Variants in DPY19L4 observed in about 807,000 individuals in gnomAD.
DPY19L4 encodes dpy-19 like 4.
A neutral mutation model predicts 102.8 loss-of-function variants in DPY19L4; 97 were observed. The ratio of observed to expected loss-of-function variants is 0.94; its 90% CI spans 0.80 to 1.12. The LOEUF is 1.12. DPY19L4 is among the 50% of genes most tolerant of loss of function. DPY19L4 has a pLI of 0.00. For synonymous variants in DPY19L4, 252 were observed against 283.1 expected, an observed-to-expected ratio of 0.89 and a Z score of 1.10; for missense variants, 815 against 850.4, an observed-to-expected ratio of 0.96 and a Z score of 0.52.
At chr8:94,746,299 G>C (rs998129414) in intron 6 of DPY19L4, among the ~76,000 whole-genome samples, 1 of 151,522 alleles carries the variant, frequency 6.6e-6, no homozygotes, top group Non-Finnish European at 1.5e-5. Flanking sequence ...GAACTTAGGC[G>C]ATTCACCTGC....
chr8:94,755,473 CCTT>C (rs1812119527), intron 6 of DPY19L4, among the ~76,000 whole-genome samples: 1 of 152,144 alleles, frequency 6.6e-6, no homozygotes, highest in African/African-American at 2.4e-5. Flanking sequence ...AGAAGGCATG[CCTT>C]CTTCAATCTC....
chr8:94,719,951 G>A lies in DPY19L4; in HGVS notation c.-48G>A. On this transcript the variant is annotated 5_prime_UTR_variant, in exon 1 of 19. Coordinates refer to ENST00000414645, the MANE Select transcript of DPY19L4 (RefSeq NM_181787.3). Reference sequence around the variant, plus strand: ...GTTCGGCGACGCGGAGGGAGGGAGAGTCTGGGCCGCGCGGGAGCCGCAGGG... The same window carrying A: ...GTTCGGCGACGCGGAGGGAGGGAGAATCTGGGCCGCGCGGGAGCCGCAGGG... 6.7e-7 allele frequency: 1 copy of A among 1,501,320 alleles called. No individual in the cohort carries two copies. Among genetic ancestry groups the A allele is most frequent in the South Asian group, 1.3e-5 (1 of 78,868 alleles). The allele number at this position is 1,501,320 out of a possible 1,614,324, so 93.0% of individuals were successfully genotyped here.
chr8:94,741,185 G>A (rs973750359), intron 6 of DPY19L4, among the ~76,000 whole-genome samples: 20 of 152,118 alleles, frequency 1.3e-4, no homozygotes, highest in Admixed American at 6.5e-4. Flanking sequence ...AACCCCTAGT[G>A]AAGCTGAGAT....
intron 6 of DPY19L4, among the ~76,000 whole-genome samples, chr8:94,745,885 G>C (rs1811648759): frequency 6.6e-6 from 1 of 151,964 alleles, no homozygotes; most frequent in Non-Finnish European, 1.5e-5. Flanking sequence ...CTCCCGAGTA[G>C]CTGGGACTAC....
chr8:94,752,769 A>G (rs1210787052), intron 6 of DPY19L4, among the ~76,000 whole-genome samples: 1 of 149,766 alleles, frequency 6.7e-6, no homozygotes, highest in African/African-American at 2.4e-5. Flanking sequence ...GGTTCACGCC[A>G]TTCTCCTGCC....
chr8:94,770,317 A>T, intron 12 of DPY19L4, 135 bp from the exon 13 acceptor site: 5 of 987,824 alleles, frequency 5.1e-6, no homozygotes, highest in Non-Finnish European at 7.1e-6. Context: ...TTCAAATTTT[A>T]AAAGATCACC....
rs200830188 is a variant in DPY19L4 at position 94,734,755 on chromosome 8, G to C, written c.252+1G>C. On this transcript the variant is annotated splice_donor_variant, in intron 3 of 18. Coordinates refer to ENST00000414645, the MANE Select transcript of DPY19L4 (RefSeq NM_181787.3). LOFTEE classifies it high-confidence loss of function. Reference sequence around the variant, plus strand: ...GAAATTCTGGTTTTCCAACAGGCAGGTAAGAAGAAAGAATTTTGAGCATAT... The same window carrying C: ...GAAATTCTGGTTTTCCAACAGGCAGCTAAGAAGAAAGAATTTTGAGCATAT... The C allele has an allele frequency of 8.1e-6, 13 of 1,613,216 alleles. No individual in the cohort carries two copies. In the East Asian group the frequency reaches 2.9e-4, roughly 36 times the overall value.
rs1813531417 is a variant in DPY19L4, at chr8:94,783,706, T to G, written c.1752T>G (p.Ser584Arg). Residue 584 changes from serine (S) to arginine (R), a missense_variant, in exon 17 of 19, where the codon AGT becomes AGG. Transcript: ENST00000414645. ...QAPVAAVFAG[S>R]PQLMGAIKLC... is the part of the protein sequence containing the mutation. ...CAGTTGCAGCTGTGTTTGCAGGGAGTCCACAGTTAATGGGTGCGATTAAAT... is the reference window on the plus strand; with the variant it reads ...CAGTTGCAGCTGTGTTTGCAGGGAGGCCACAGTTAATGGGTGCGATTAAAT... The G allele has an allele frequency of 1.2e-6, 2 of 1,613,984 alleles. No individual in the cohort carries two copies. Among genetic ancestry groups the G allele is most frequent in the African/African-American group, 2.7e-5 (2 of 74,924 alleles).
At chr8:94,751,990 T>C (rs1811953321) in intron 6 of DPY19L4, among the ~76,000 whole-genome samples, 1 of 152,204 alleles carries the variant, frequency 6.6e-6, no homozygotes, top group Non-Finnish European at 1.5e-5. Context: ...TATATCATAG[T>C]GCATTTATTC....
intron 1 of DPY19L4, among the ~76,000 whole-genome samples, chr8:94,725,656 G>A (rs1230971463): frequency 6.6e-6 from 1 of 151,904 alleles, no homozygotes; most frequent in African/African-American, 2.4e-5. Flanking sequence ...TTTTTTTTGA[G>A]ATAGAGTCTC....
chr8:94,735,415 A>G (rs1217884864), intron 3 of DPY19L4, among the ~76,000 whole-genome samples: 1 of 152,220 alleles, frequency 6.6e-6, no homozygotes, highest in Non-Finnish European at 1.5e-5. Context: ...CAAGACATTT[A>G]ACTGAGTAAT....
chr8:94,739,513 A>C lies in DPY19L4; in HGVS notation c.444A>C (p.Leu148Phe). The change falls in exon 5 of 19, where the codon TTA (leucine) becomes TTC (phenylalanine). Residue 148 changes from leucine to phenylalanine, a missense_variant. Transcript: ENST00000414645. ...ATCCGGAACTTATTGCTAGCATTTTATATCAAGCCACTGGTAGCAATGTAT... is the reference window on the plus strand; with the variant it reads ...ATCCGGAACTTATTGCTAGCATTTTCTATCAAGCCACTGGTAGCAATGTAT... ...SLYPELIASI[L>F]YQATGSNEII... 6.2e-7 allele frequency: 1 copy of C among 1,606,812 alleles called. No homozygotes were observed. Among genetic ancestry groups the C allele is most frequent in the Non-Finnish European group, 8.5e-7 (1 of 1,178,178 alleles).
intron 3 of DPY19L4, among the ~76,000 whole-genome samples, chr8:94,736,154 C>T (rs1309323441): frequency 6.6e-6 from 1 of 152,076 alleles, no homozygotes; most frequent in Non-Finnish European, 1.5e-5. Context: ...AGCAAGGGAT[C>T]GCTGTGGGGC....
intron 13 of DPY19L4, among the ~76,000 whole-genome samples, chr8:94,772,910 T>C (rs1049798411): frequency 6.6e-6 from 1 of 152,142 alleles, no homozygotes; most frequent in African/African-American, 2.4e-5. Context: ...GGAATAAATT[T>C]CATAAAAGGC....
chr8:94,781,056 A>ATTTTTT (rs36116205), intron 15 of DPY19L4, 28 bp from the exon 16 acceptor site: 48 of 1,200,908 alleles, frequency 4.0e-5, no homozygotes, highest in Middle Eastern at 2.4e-4. Context: ...TCTTTTGGGG[A>ATTTTTT]TTTTTTTTTT....
At chr8:94,732,403 C>T (rs1811000033) in intron 2 of DPY19L4, among the ~76,000 whole-genome samples, 1 of 152,012 alleles carries the variant, frequency 6.6e-6, no homozygotes, top group African/African-American at 2.4e-5. Flanking sequence ...CATTAAGAAG[C>T]AGTTACAGGC....
chr8:94,750,405 T>C (rs1811865649), intron 6 of DPY19L4, among the ~76,000 whole-genome samples: 1 of 152,198 alleles, frequency 6.6e-6, no homozygotes. Context: ...CATAATATAT[T>C]GTTAAGTAAA....
chr8:94,769,880 ATTCTT>A (rs1051848463), intron 12 of DPY19L4, among the ~76,000 whole-genome samples: 3 of 145,166 alleles, frequency 2.1e-5, no homozygotes, highest in East Asian at 2.0e-4. Context: ...AATCTTTATT[ATTCTT>A]TTCTTTTTTT....
At chr8:94,725,970 A>T (rs1327644718) in intron 1 of DPY19L4, among the ~76,000 whole-genome samples, 1 of 152,168 alleles carries the variant, frequency 6.6e-6, no homozygotes, top group East Asian at 1.9e-4. Context: ...TTAAACCATA[A>T]ATTATGCATT....
Sources: allele counts gnomAD v4.1 joint callset (sites outside exome capture counted in the v4.1 genomes callset), GRCh38; gene constraint gnomAD v4.1.1; transcripts MANE v1.5; gene names NCBI Gene and HGNC (gene_info 2026-07-23, HGNC 2026-07-21).